The following ZNF407 variants were observed in gnomAD, a reference collection of about 807,000 sequenced individuals.
ZNF407 encodes the protein zinc finger protein 407.
ZNF407 carries 17 observed loss-of-function variants against 131.2 expected under a neutral mutation model. That is an observed-to-expected ratio of 0.13 (90% confidence interval 0.09 to 0.19). The LOEUF (loss-of-function observed/expected upper bound fraction) is 0.19. Ranked by LOEUF, ZNF407 falls within the 10% of genes least tolerant of loss-of-function variation. The pLI is 1.00. For synonymous variants in ZNF407, 1,156 were observed against 1,062.0 expected (o/e 1.09, Z -1.72); for missense variants, 2,681 against 2,830.6 (o/e 0.95, Z 1.20).
At chr18:74,857,639 T>C (rs567411684) in intron 4 of ZNF407, among the ~76,000 whole-genome samples, 2 of 152,318 alleles carry the variant, frequency 1.3e-5, no homozygotes, top group Non-Finnish European at 2.9e-5. Flanking sequence ...CTCATCAAAA[T>C]ACTTGTAAGA....
At chr18:74,656,958 T>C (rs2144722428) in intron 3 of ZNF407, among the ~76,000 whole-genome samples, 1 of 152,322 alleles carries the variant, frequency 6.6e-6, no homozygotes, top group East Asian at 1.9e-4. Flanking sequence ...CTTAATACTG[T>C]GTTGTATTGC....
chr18:74,644,977 T>A lies in ZNF407; in HGVS notation c.4802+3855T>A, dbSNP rs993381856. On this transcript the variant is annotated intron_variant, in intron 3 of 8. Transcript: ENST00000299687. ...GCTTTTGCCCACATTTACATTTTTT[T>A]AAAAAATTGCTTACACATTGCTTTA... 5.9e-5 allele frequency among the ~76,000 whole-genome samples: 9 copies of A among 152,124 alleles called. No individual in the cohort carries two copies. In the East Asian group the frequency reaches 7.7e-4, roughly 13 times the overall value.
intron 3 of ZNF407, among the ~76,000 whole-genome samples, chr18:74,725,066 C>A (rs1484887527): frequency 6.6e-6 from 1 of 152,208 alleles, no homozygotes; most frequent in East Asian, 1.9e-4. Context: ...CATGTTCCTA[C>A]AGTTTTTTGG....
chr18:74,870,790 C>T (rs1184418845), intron 4 of ZNF407, among the ~76,000 whole-genome samples: 2 of 152,044 alleles, frequency 1.3e-5, no homozygotes, highest in Non-Finnish European at 2.9e-5. Flanking sequence ...AATTTCTAGA[C>T]AGTATTGGGA....
chr18:75,009,997 G>A (rs186971309), intron 8 of ZNF407, among the ~76,000 whole-genome samples: 23 of 152,290 alleles, frequency 1.5e-4, no homozygotes, highest in Admixed American at 1.1e-3. Flanking sequence ...AAAATATCTT[G>A]GATTGGAAAG....
At chr18:74,715,964 A>G (rs969456216) in intron 3 of ZNF407, among the ~76,000 whole-genome samples, 12 of 152,092 alleles carry the variant, frequency 7.9e-5, no homozygotes, top group East Asian at 5.8e-4. Context: ...TAGTCATGCA[A>G]TTGCTGTCCA....
chr18:74,843,791 C>A (rs1970665451), intron 4 of ZNF407, among the ~76,000 whole-genome samples: 1 of 152,102 alleles, frequency 6.6e-6, no homozygotes, highest in African/African-American at 2.4e-5. Context: ...AGCATAACAG[C>A]AGCCCCTTGA....
At position 74,644,195 on chromosome 18, in the gene ZNF407, T is replaced by C. The variant is rs563580033; in HGVS notation, c.4802+3073T>C. Among the ~76,000 whole-genome samples the C allele has an allele frequency of 2.5e-4, 37 of 150,978 alleles. No individual in the cohort carries two copies. The East Asian group carries it at 7.0e-3, about 28-fold the overall frequency. On this transcript the variant is annotated intron_variant, in intron 3 of 8. Transcript: ENST00000299687. Reference sequence around the variant, plus strand: ...GGGGAATCTTTTTTTTTTTTTTTTTTTGAAAAGTTGAGTTTCTTACTTGTT... The same window carrying C: ...GGGGAATCTTTTTTTTTTTTTTTTTCTGAAAAGTTGAGTTTCTTACTTGTT...
intron 1 of ZNF407, among the ~76,000 whole-genome samples, chr18:74,606,547 T>C (rs1163965951): frequency 6.6e-6 from 1 of 152,214 alleles, no homozygotes; most frequent in Non-Finnish European, 1.5e-5. Flanking sequence ...CCAGCCTAGA[T>C]CTAAACATGT....
At chr18:74,738,352 G>A (rs553749822) in intron 3 of ZNF407, among the ~76,000 whole-genome samples, 37 of 142,658 alleles carry the variant, frequency 2.6e-4, no homozygotes, top group African/African-American at 7.8e-4. Context: ...CCCGGGAGGC[G>A]GAGGCTGCAG....
At chr18:74,905,785 T>C (rs993923944) in intron 7 of ZNF407, 3 of 152,218 alleles carry the variant, frequency 2.0e-5, no homozygotes, top group Non-Finnish European at 2.9e-5. Flanking sequence ...AATAAATAGC[T>C]ACCAGTTATA....
intron 8 of ZNF407, among the ~76,000 whole-genome samples, chr18:74,929,772 GT>G (rs2145253936): frequency 6.6e-6 from 1 of 152,282 alleles, no homozygotes; most frequent in East Asian, 1.9e-4. Context: ...TAGATACATT[GT>G]TTCATTAGCT....
rs1002657134 is a variant in ZNF407 at position 74,859,467 on chromosome 18, T to C, written c.4878-17730T>C. 4.5e-4 allele frequency among the ~76,000 whole-genome samples: 68 copies of C among 152,332 alleles called. 1 individual carries two copies. Among genetic ancestry groups the C allele is most frequent in the African/African-American group, 1.6e-3 (65 of 41,578 alleles). On this transcript the variant is annotated intron_variant, in intron 4 of 8. Coordinates refer to ENST00000299687, the MANE Select transcript of ZNF407 (RefSeq NM_017757.3). Reference sequence around the variant, plus strand: ...GAGCACAGGTCAGTTTTTAGCTGTATGTAGGTTTTATATGTGTGTAATGTT... The same window carrying C: ...GAGCACAGGTCAGTTTTTAGCTGTACGTAGGTTTTATATGTGTGTAATGTT...
At chr18:74,879,318 T>C (rs2896869) in intron 5 of ZNF407, among the ~76,000 whole-genome samples, 27,462 of 152,076 alleles carry the variant, frequency 0.18, 3,042 homozygotes, top group African/African-American at 0.3. Context: ...TTGAATGATA[T>C]GGCACAAACA....
intron 3 of ZNF407, among the ~76,000 whole-genome samples, chr18:74,781,070 A>T (rs939065706): frequency 6.6e-6 from 1 of 152,068 alleles, no homozygotes; most frequent in Admixed American, 6.5e-5. Context: ...TCTCAAACTC[A>T]TTTCATGATT....
chr18:74,974,241 C>T (rs1213991992), intron 8 of ZNF407, among the ~76,000 whole-genome samples: 1 of 152,202 alleles, frequency 6.6e-6, no homozygotes, highest in Non-Finnish European at 1.5e-5. Flanking sequence ...GACCTCACAG[C>T]TATTCTGCCC....
chr18:74,651,469 T>C (rs985104795), intron 3 of ZNF407, among the ~76,000 whole-genome samples: 7 of 152,182 alleles, frequency 4.6e-5, no homozygotes, highest in Admixed American at 4.6e-4. Context: ...ATAATTTGCC[T>C]GTAGATGCCT....
chr18:74,741,228 G>A (rs1968540704), intron 3 of ZNF407, among the ~76,000 whole-genome samples: 1 of 152,054 alleles, frequency 6.6e-6, no homozygotes, highest in African/African-American at 2.4e-5. Context: ...GGAGCATTTT[G>A]TATATATACA....
At chr18:74,663,808 G>A (rs779684295) in intron 3 of ZNF407, among the ~76,000 whole-genome samples, 10 of 152,120 alleles carry the variant, frequency 6.6e-5, no homozygotes, top group Non-Finnish European at 1.2e-4. Context: ...TTAGACAAAC[G>A]GAGGTACACA....
Sources: allele counts gnomAD v4.1 joint callset (sites outside exome capture counted in the v4.1 genomes callset), GRCh38; gene constraint gnomAD v4.1.1; transcripts MANE v1.5; gene names NCBI Gene and HGNC (gene_info 2026-07-23, HGNC 2026-07-21).